Variants in CCDC7 observed in about 807,000 individuals in gnomAD.
The protein encoded by CCDC7 is coiled-coil domain containing 7.
CCDC7 carries 183 observed loss-of-function variants against 196.9 expected under a neutral mutation model. The ratio of observed to expected loss-of-function variants is 0.93; its 90% confidence interval spans 0.82 to 1.05. The LOEUF (loss-of-function observed/expected upper bound fraction) is 1.05. Among genes scored for constraint, CCDC7 ranks in the 50% least tolerant of loss-of-function variants. CCDC7 has a pLI of 0.00. For missense variants in CCDC7, 1,540 were observed against 1,482.2 expected, an observed-to-expected ratio of 1.04 and a Z score of -0.64; for synonymous variants, 525 against 484.6, an observed-to-expected ratio of 1.08 and a Z score of -1.10.
At chr10:32,582,203 T>C (rs2058819402) in intron 16 of CCDC7, among the ~76,000 whole-genome samples, 1 of 147,882 alleles carries the variant, frequency 6.8e-6, no homozygotes, top group African/African-American at 2.5e-5. Context: ...AACTTTGCAG[T>C]TCAAAATTCA....
chr10:32,645,388 A>G (rs1299634866), intron 20 of CCDC7, among the ~76,000 whole-genome samples: 2 of 152,094 alleles, frequency 1.3e-5, no homozygotes, highest in Non-Finnish European at 2.9e-5. Context: ...GATCATGGTA[A>G]ATGATCTTTT....
chr10:32,771,728 C>T (rs975022322), intron 28 of CCDC7, among the ~76,000 whole-genome samples: 8 of 152,146 alleles, frequency 5.3e-5, no homozygotes, highest in African/African-American at 1.9e-4. Context: ...TTATTGATAG[C>T]CTCAGTGTGT....
In CCDC7 at chr10:32,828,479, G is replaced by GAA. The variant is rs1565633928; in HGVS notation, c.3268+3875_3268+3876insAA. 9.3e-3 allele frequency among the ~76,000 whole-genome samples: 572 copies of GAA among 61,232 alleles called. 11 individuals are homozygous for GAA. The highest frequency in any genetic ancestry group is 0.013 in the Non-Finnish European group (386 of 29,132). The allele number at this position is 61,232 out of a possible 152,430, so 40.2% of individuals were successfully genotyped here. A position where few individuals can be genotyped will look rare whatever the true frequency, so the allele number is the denominator to read the frequency against. On this transcript the variant is annotated intron_variant, in intron 32 of 41. Coordinates refer to ENST00000639629, the Ensembl canonical transcript of CCDC7. ...AAGAAGAAGAAGAGGAAGAGGAAGAGGAAGAGGAAGAAGAAGAAGAAGAAG... is the reference window on the plus strand; with the variant it reads ...AAGAAGAAGAAGAGGAAGAGGAAGAGAAGAAGAGGAAGAAGAAGAAGAAGAAG...
intron 2 of CCDC7, among the ~76,000 whole-genome samples, chr10:32,455,459 T>C (rs1270887466): frequency 1.3e-5 from 2 of 151,938 alleles, no homozygotes; most frequent in Non-Finnish European, 2.9e-5. Flanking sequence ...GGATTACCGG[T>C]GTGCGGCGCC....
At chr10:32,552,822 C>T (rs2053692882) in intron 13 of CCDC7, among the ~76,000 whole-genome samples, 1 of 152,180 alleles carries the variant, frequency 6.6e-6, no homozygotes, top group South Asian at 2.1e-4. Context: ...TTATAGGTTA[C>T]TTGGCGCTTC....
intron 29 of CCDC7, among the ~76,000 whole-genome samples, chr10:32,787,919 C>A (rs369055151): frequency 3.8e-4 from 58 of 152,110 alleles, no homozygotes; most frequent in African/African-American, 1.3e-3. Flanking sequence ...ACAGATGGAG[C>A]CTTCAGGCCC....
chr10:32,480,499 T>C (rs1441607493), intron 8 of CCDC7, among the ~76,000 whole-genome samples: 5 of 152,172 alleles, frequency 3.3e-5, no homozygotes, highest in African/African-American at 1.2e-4. Flanking sequence ...AATGTAGGTT[T>C]TTATTGCTAT....
At chr10:32,678,375 A>G (rs1360293582) in intron 21 of CCDC7, among the ~76,000 whole-genome samples, 1 of 152,128 alleles carries the variant, frequency 6.6e-6, no homozygotes, top group Non-Finnish European at 1.5e-5. Flanking sequence ...TTTACATGCT[A>G]GCTTTGGCCC....
chr10:32,522,952 A>G (rs1360370493), intron 11 of CCDC7, among the ~76,000 whole-genome samples: 2 of 151,902 alleles, frequency 1.3e-5, no homozygotes, highest in African/African-American at 2.4e-5. Flanking sequence ...TTTAATTTCC[A>G]TGTGTTTGCA....
chr10:32,582,139 T>TATATATATATATATATATATATAC (rs1201465796), intron 16 of CCDC7, among the ~76,000 whole-genome samples: 2 of 131,026 alleles, frequency 1.5e-5, no homozygotes, highest in African/African-American at 5.6e-5. Context: ...TATATATATA[T>TATATATATATATATATATATATAC]ACTTTTTTTT....
At chr10:32,744,139 TAAAAAAAAAGA>T (rs1014779835) in intron 28 of CCDC7, among the ~76,000 whole-genome samples, 16 of 144,682 alleles carry the variant, frequency 1.1e-4, no homozygotes, top group Middle Eastern at 3.6e-3. Context: ...AAGTATAATT[TAAAAAAAAAGA>T]AAAAAAAAAG....
At chr10:32,491,534 A>G (rs1392310353) in intron 8 of CCDC7, among the ~76,000 whole-genome samples, 2 of 152,184 alleles carry the variant, frequency 1.3e-5, no homozygotes, top group African/African-American at 4.8e-5. Context: ...CTGTTTTAGT[A>G]TGCTATAGTC....
At chr10:32,558,938 A>G (rs1323302184) in intron 13 of CCDC7, among the ~76,000 whole-genome samples, 1 of 152,218 alleles carries the variant, frequency 6.6e-6, no homozygotes, top group African/African-American at 2.4e-5. Context: ...GACAGACAGC[A>G]CCTGGAAATC....
chr10:32,726,613 T>A (rs1439569249), intron 25 of CCDC7, 121 bp from the exon 27 acceptor site: 1 of 513,860 alleles, frequency 1.9e-6, no homozygotes, highest in African/African-American at 2.0e-5. Flanking sequence ...TATAATTTTA[T>A]AAAAATGAGA....
intron 20 of CCDC7, among the ~76,000 whole-genome samples, chr10:32,645,196 A>G (rs1045578875): frequency 6.6e-6 from 1 of 152,208 alleles, no homozygotes; most frequent in Non-Finnish European, 1.5e-5. Context: ...TGACAAAAAT[A>G]ACAAAATCTT....
chr10:32,807,675 A>G (rs938987049), intron 30 of CCDC7, among the ~76,000 whole-genome samples: 2 of 151,962 alleles, frequency 1.3e-5, no homozygotes, highest in Non-Finnish European at 2.9e-5. Context: ...CATTCCCACC[A>G]TAGATTCCTC....
chr10:32,465,329 C>T (rs578034200), intron 5 of CCDC7, among the ~76,000 whole-genome samples: 15 of 152,184 alleles, frequency 9.9e-5, no homozygotes, highest in Non-Finnish European at 1.9e-4. Context: ...ACACTATGCT[C>T]TTACTTCCCA....
chr10:32,518,460 G>C (rs936009526), exon 11 of CCDC7: 5 of 1,607,170 alleles, frequency 3.1e-6, no homozygotes, highest in Admixed American at 3.4e-5. Context: ...TATCAGAAGA[G>C]AAGTTGGTGC....
intron 24 of CCDC7, among the ~76,000 whole-genome samples, chr10:32,696,096 A>G: frequency 6.6e-6 from 1 of 152,142 alleles, no homozygotes; most frequent in East Asian, 1.9e-4. Flanking sequence ...TATACCCCAA[A>G]AAAATGGTCC....
Sources: allele counts gnomAD v4.1 joint callset (sites outside exome capture counted in the v4.1 genomes callset), GRCh38; gene constraint gnomAD v4.1.1; transcripts MANE v1.5; gene names NCBI Gene and HGNC (gene_info 2026-07-23, HGNC 2026-07-21).